The following INVS variants were observed in gnomAD, a reference collection of about 807,000 sequenced individuals.
INVS encodes inversion of embryo turning homolog.
INVS carries 86 observed loss-of-function variants against 108.8 expected under a neutral mutation model. The ratio of observed to expected loss-of-function variants is 0.79; its 90% CI spans 0.66 to 0.95. INVS has a LOEUF of 0.95. Among genes scored for constraint, INVS ranks in the 40% least tolerant of loss-of-function variants. The probability of loss-of-function intolerance (pLI) is 0.00; values close to 1 mark genes in which losing one functional copy is unlikely to be tolerated. For missense variants in INVS, 1,169 were observed against 1,297.4 expected (o/e 0.90, Z 1.52); for synonymous variants, 455 against 473.5 (o/e 0.96, Z 0.51).
intron 3 of INVS, among the ~76,000 whole-genome samples, chr9:100,161,646 G>T (rs1829193570): frequency 6.6e-6 from 1 of 152,076 alleles, no homozygotes; most frequent in Non-Finnish European, 1.5e-5. Context: ...TGGATGGATG[G>T]GTGGGTGGAT....
intron 3 of INVS, among the ~76,000 whole-genome samples, chr9:100,208,080 A>G (rs191141021): frequency 4.6e-5 from 7 of 152,350 alleles, no homozygotes; most frequent in Admixed American, 4.6e-4. Flanking sequence ...TCCTCACTTC[A>G]GCCACCAAGC....
intron 2 of INVS, among the ~76,000 whole-genome samples, chr9:100,112,665 T>TA (rs879870642): frequency 0.019 from 2,458 of 126,630 alleles, 39 homozygotes; most frequent in African/African-American, 0.059. Context: ...GCTGATGAGC[T>TA]AAAAAAAAAA....
At chr9:100,299,783 A>C (rs1360239645) in intron 16 of INVS, among the ~76,000 whole-genome samples, 1 of 152,214 alleles carries the variant, frequency 6.6e-6, no homozygotes, top group African/African-American at 2.4e-5. Flanking sequence ...CCCCTGTACA[A>C]ATCCAGTTTA....
chr9:100,261,300 C>T (rs1450268159), intron 10 of INVS, among the ~76,000 whole-genome samples: 1 of 144,110 alleles, frequency 6.9e-6, no homozygotes, highest in Non-Finnish European at 1.5e-5. Context: ...GAGTCTCGCT[C>T]TGTCACCCAA....
chr9:100,208,939 C>T (rs1830752390), intron 3 of INVS, among the ~76,000 whole-genome samples: 1 of 152,136 alleles, frequency 6.6e-6, no homozygotes, highest in South Asian at 2.1e-4. Flanking sequence ...TCGCTGTGCA[C>T]TGGTCACTTT....
At chr9:100,266,018 G>A (rs1832781433) in intron 11 of INVS, among the ~76,000 whole-genome samples, 1 of 152,150 alleles carries the variant, frequency 6.6e-6, no homozygotes, top group Non-Finnish European at 1.5e-5. Flanking sequence ...GGCGGAGGTT[G>A]CAGTGAGCCC....
intron 5 of INVS, among the ~76,000 whole-genome samples, chr9:100,235,139 G>C (rs1442767292): frequency 2.0e-5 from 3 of 150,906 alleles, no homozygotes; most frequent in Non-Finnish European, 4.4e-5. Flanking sequence ...TGTCTTTTTT[G>C]ATCTTTGTTG....
At chr9:100,154,595 A>G (rs1302742733) in intron 3 of INVS, among the ~76,000 whole-genome samples, 10 of 152,090 alleles carry the variant, frequency 6.6e-5, no homozygotes. Flanking sequence ...ATGATCTGGA[A>G]TGAAAAAAGC....
chr9:100,117,636 C>G (rs886759600), intron 2 of INVS: 1 of 606,682 alleles, frequency 1.6e-6, no homozygotes, highest in Non-Finnish European at 2.9e-6. Context: ...CCCGCTGCAC[C>G]GGCGTTATCA....
chr9:100,232,397 T>A (rs1831541653), intron 5 of INVS, among the ~76,000 whole-genome samples: 1 of 152,220 alleles, frequency 6.6e-6, no homozygotes, highest in African/African-American at 2.4e-5. Context: ...TTGCCATTGC[T>A]TTTGGTGTTT....
At chr9:100,238,656 T>A (rs995124788) in intron 5 of INVS, among the ~76,000 whole-genome samples, 1 of 152,212 alleles carries the variant, frequency 6.6e-6, no homozygotes, top group Non-Finnish European at 1.5e-5. Flanking sequence ...TTCTGTTGCG[T>A]CCTAGGTAAT....
chr9:100,160,067 T>G (rs1829119541), intron 3 of INVS, among the ~76,000 whole-genome samples: 1 of 152,178 alleles, frequency 6.6e-6, no homozygotes, highest in Admixed American at 6.5e-5. Flanking sequence ...TGCTCTGATG[T>G]ATCTTATGAA....
rs560352166 is a variant in INVS, at chr9:100,239,964, G to A, written c.616-96G>A. On this transcript the variant is annotated intron_variant, in intron 5 of 16. Transcript: ENST00000262457. ...AACCTGGGTGACAGAACAAGACCCT[G>A]TCTCTAAAAAAGAAAGAAAGAAAAA... 4 of 1,136,284 alleles carry A rather than the reference G, an allele frequency of 3.5e-6. No individual in the cohort carries two copies. The East Asian group carries it at 7.1e-5, about 20-fold the overall frequency. 70.4% of individuals were successfully genotyped at this position (1,136,284 alleles called of 1,614,324 possible). A position where few individuals can be genotyped will look rare whatever the true frequency, so the allele number is the denominator to read the frequency against.
intron 3 of INVS, among the ~76,000 whole-genome samples, chr9:100,158,038 A>G (rs565068764): frequency 1.1e-4 from 17 of 152,322 alleles, no homozygotes; most frequent in African/African-American, 4.1e-4. Context: ...TTGTCACTCA[A>G]TAAGGGCATA....
Position 100,202,949 on chromosome 9 carries a change from A to G in INVS, c.274-23113A>G, listed in dbSNP as rs1489516800. Among the ~76,000 whole-genome samples, 3 of 152,224 alleles carry G rather than the reference A, an allele frequency of 2.0e-5. No individual in the cohort carries two copies. The East Asian group carries it at 5.8e-4, about 29-fold the overall frequency. On this transcript the variant is annotated intron_variant, in intron 3 of 16. Coordinates refer to ENST00000262457, the MANE Select transcript of INVS (RefSeq NM_014425.5). ...CAATATCTCTTATCCATTGGCAGAA[A>G]AGAGTTAAGGATGTGATAGGGAATT...
chr9:100,217,504 A>G lies in INVS; in HGVS notation c.274-8558A>G, dbSNP rs114175188. Among the ~76,000 whole-genome samples, 444 of 152,266 alleles carry G rather than the reference A, an allele frequency of 2.9e-3. 2 individuals are homozygous for G. The highest frequency in any genetic ancestry group is 0.01 in the African/African-American group (428 of 41,544). ...ACTAATGGCATAGCTAGGAGCTAGG[A>G]GTACTTATCTGTTTGCATGAGTTTC... On this transcript the variant is annotated intron_variant, in intron 3 of 16. Transcript: ENST00000262457.
chr9:100,209,328 G>T (rs900303302), intron 3 of INVS, among the ~76,000 whole-genome samples: 3 of 152,270 alleles, frequency 2.0e-5, no homozygotes, highest in Admixed American at 2.0e-4. Flanking sequence ...AGAGTCAAAG[G>T]ACATTAAGCT....
chr9:100,109,508 T>A (rs1827275451), intron 2 of INVS, among the ~76,000 whole-genome samples: 1 of 152,244 alleles, frequency 6.6e-6, no homozygotes, highest in Admixed American at 6.5e-5. Context: ...ATGCATGGTG[T>A]GTAATGATCA....
chr9:100,178,954 A>G (rs1255718400), intron 3 of INVS, among the ~76,000 whole-genome samples: 2 of 152,232 alleles, frequency 1.3e-5, no homozygotes, highest in African/African-American at 2.4e-5. Flanking sequence ...CAGAAACCCT[A>G]CAAGCCAGAA....
Sources: gnomAD v4.1 joint callset for allele counts (sites outside exome capture counted in the v4.1 genomes callset) on GRCh38, gnomAD v4.1.1 for gene constraint, MANE v1.5 for transcripts, NCBI Gene and HGNC (gene_info 2026-07-23, HGNC 2026-07-21) for gene names.